The following PLAGL1 variants were observed in gnomAD, a reference collection of about 807,000 sequenced individuals.
PLAGL1 encodes zinc finger protein PLAGL1.
PLAGL1 carries 1 observed loss-of-function variant against 4.6 expected under a neutral mutation model. That is an observed-to-expected ratio of 0.22 (90% CI 0.08 to 1.03). PLAGL1 has a LOEUF of 1.03. Among genes scored for constraint, PLAGL1 ranks in the 50% least tolerant of loss-of-function variants. The pLI is 0.58. For missense variants in PLAGL1, 464 were observed against 570.4 expected, an observed-to-expected ratio of 0.81 and a Z score of 1.90; for synonymous variants, 240 against 237.8, an observed-to-expected ratio of 1.01 and a Z score of -0.08.
rs116619032 is a variant in PLAGL1, at chr6:144,048,652, G to A, written c.-151+15816C>T. Among the ~76,000 whole-genome samples, 803 of 152,346 alleles carry A rather than the reference G, an allele frequency of 5.3e-3. 8 individuals are homozygous for A. Among genetic ancestry groups the A allele is most frequent in the African/African-American group, 0.019 (770 of 41,584 alleles). On this transcript the variant is annotated intron_variant, in intron 1 of 3. Transcript: ENST00000437412. This position sits in a 1 kb window ranked among gnomAD's most constrained non-coding sequence, Gnocchi z 4.8. ...GGGTGCCAAGTCCTGAGGCTACACA[G>A]AGCAGCATCAGGGCTGTAAGCCAGG...
chr6:144,020,599 T>C (rs976056534), intron 1 of PLAGL1, among the ~76,000 whole-genome samples: 5 of 151,702 alleles, frequency 3.3e-5, no homozygotes, highest in Non-Finnish European at 5.9e-5. Context: ...TGTTTGTTTT[T>C]AATGTTAATT....
chr6:143,951,075 G>C (rs1028814949), intron 6 of PLAGL1, among the ~76,000 whole-genome samples: 1 of 151,560 alleles, frequency 6.6e-6, no homozygotes, highest in African/African-American at 2.4e-5. Context: ...TGTGAATCCA[G>C]TGGAAAGATT....
At chr6:144,044,517 A>C (rs949589952) in intron 1 of PLAGL1, among the ~76,000 whole-genome samples, 1 of 152,088 alleles carries the variant, frequency 6.6e-6, no homozygotes, top group African/African-American at 2.4e-5. Flanking sequence ...CTGAGTTCTA[A>C]TTTGATTGCG....
rs928475612 is a variant in PLAGL1 at position 143,953,522 on chromosome 6, A to G, written c.-324-5062T>C. Among the ~76,000 whole-genome samples the G allele has an allele frequency of 2.0e-5, 3 of 152,246 alleles. No homozygotes were observed. Among genetic ancestry groups the G allele is most frequent in the Non-Finnish European group, 4.4e-5 (3 of 68,042 alleles). On this transcript the variant is annotated intron_variant, in intron 6 of 7. Coordinates refer to ENST00000674357, the MANE Select transcript of PLAGL1 (RefSeq NM_001317162.2). The surrounding 1 kb of genome is among the most constrained non-coding windows in gnomAD (Gnocchi z 5.3). ...AACATCAAATCCACATCCTAGCCAG[A>G]ACATCTGAAAAGGGACAGGGTGTGT...
Position 143,954,229 on chromosome 6 carries a change from C to T in PLAGL1, c.-324-5769G>A, listed in dbSNP as rs1386748818. On this transcript the variant is annotated intron_variant, in intron 6 of 7. Coordinates refer to ENST00000674357, the MANE Select transcript of PLAGL1 (RefSeq NM_001317162.2). This position sits in a 1 kb window ranked among gnomAD's most constrained non-coding sequence, Gnocchi z 5.1. Reference sequence around the variant, plus strand: ...CTGGCTTGACTCACAAATTAGTAGGCCAAGGATCACCAGAAATCAGAGGAA... The same window carrying T: ...CTGGCTTGACTCACAAATTAGTAGGTCAAGGATCACCAGAAATCAGAGGAA... Among the ~76,000 whole-genome samples the T allele has an allele frequency of 6.6e-6, 1 of 151,908 alleles. No individual in the cohort carries two copies. The highest frequency in any genetic ancestry group is 1.5e-5 in the Non-Finnish European group (1 of 68,004).
rs550798060 is a variant in PLAGL1, at chr6:144,016,727, A to G, written c.-151+47741T>C. On this transcript the variant is annotated intron_variant, in intron 1 of 3. Coordinates refer to the PLAGL1 transcript ENST00000437412. This position sits in a 1 kb window ranked among gnomAD's most constrained non-coding sequence, Gnocchi z 4.2. ...TCATACTGCACTGAATGATACACCT[A>G]AAATACATCCACTTGATTACATGCA... Among the ~76,000 whole-genome samples the G allele has an allele frequency of 1.3e-3, 191 of 152,372 alleles. 1 individual carries two copies. Among genetic ancestry groups the G allele is most frequent in the African/African-American group, 4.4e-3 (184 of 41,586 alleles).
Position 143,963,198 on chromosome 6 carries a change from G to A in PLAGL1, c.-399+1589C>T, listed in dbSNP as rs1389399361. On this transcript the variant is annotated intron_variant, in intron 5 of 7. Coordinates refer to ENST00000674357, the MANE Select transcript of PLAGL1 (RefSeq NM_001317162.2). The surrounding 1 kb of genome is among the most constrained non-coding windows in gnomAD (Gnocchi z 6.1). ...TCTCACATTAATACATGATCTCCCT[G>A]GGGGACCCCATGCACAACCCAAGGT... is the stretch of plus-strand genomic sequence containing the variant. 6.6e-6 allele frequency among the ~76,000 whole-genome samples: 1 copy of A among 152,118 alleles called. No individual in the cohort carries two copies.
intron 1 of PLAGL1, among the ~76,000 whole-genome samples, chr6:144,033,470 G>A (rs867997731): frequency 3.3e-5 from 5 of 152,220 alleles, no homozygotes; most frequent in African/African-American, 1.2e-4. Flanking sequence ...TGAGAAACAT[G>A]ATGGAAAAAC....
In PLAGL1 at chr6:143,989,391, G is replaced by T. The variant is rs79880643; in HGVS notation, c.-583-4217C>A. 6.6e-6 allele frequency among the ~76,000 whole-genome samples: 1 copy of T among 152,136 alleles called. No homozygotes were observed. The highest frequency in any genetic ancestry group is 1.5e-5 in the Non-Finnish European group (1 of 68,018). On this transcript the variant is annotated intron_variant, in intron 1 of 7. Transcript: ENST00000674357. The surrounding 1 kb of genome is among the most constrained non-coding windows in gnomAD (Gnocchi z 4.8). ...ATCAACACTTGTGTTGGTGGAGTTC[G>T]GAGCATACCACCCTCCCAAATATGG...
At position 143,975,186 on chromosome 6, in the gene PLAGL1, G is replaced by A. The variant is rs1402018503; in HGVS notation, c.-543-6208C>T. Among the ~76,000 whole-genome samples, 1 of 152,116 alleles carries A rather than the reference G, an allele frequency of 6.6e-6. No homozygotes were observed. The highest frequency in any genetic ancestry group is 1.5e-5 in the Non-Finnish European group (1 of 68,006). On this transcript the variant is annotated intron_variant, in intron 2 of 7. Coordinates refer to ENST00000674357, the MANE Select transcript of PLAGL1 (RefSeq NM_001317162.2). The surrounding 1 kb of genome is among the most constrained non-coding windows in gnomAD (Gnocchi z 5.8). ...CTGTTTCCATTACACCAGCTACCAT[G>A]TACTGGGGATATAATCATTCACTGG...
At chr6:144,024,785 C>A (rs947722272) in intron 1 of PLAGL1, among the ~76,000 whole-genome samples, 2 of 152,106 alleles carry the variant, frequency 1.3e-5, no homozygotes, top group Non-Finnish European at 2.9e-5. Context: ...AAAACTGAAA[C>A]CATCTGAGCA....
rs1335764432 is a variant in PLAGL1 at position 144,061,099 on chromosome 6, T to C, written c.-151+3369A>G. 1.3e-5 allele frequency among the ~76,000 whole-genome samples: 2 copies of C among 152,202 alleles called. No homozygotes were observed. The highest frequency in any genetic ancestry group is 4.8e-5 in the African/African-American group (2 of 41,450). On this transcript the variant is annotated intron_variant, in intron 1 of 3. Coordinates refer to the PLAGL1 transcript ENST00000437412. The surrounding 1 kb of genome is among the most constrained non-coding windows in gnomAD (Gnocchi z 4.4). ...AAATTTACAATTGGAAGTGGAAAGG[T>C]ACTGGGTGACAGTGTGAGTAGAAGA...
chr6:144,041,881 G>A (rs918762325), intron 1 of PLAGL1, among the ~76,000 whole-genome samples: 3 of 152,180 alleles, frequency 2.0e-5, no homozygotes, highest in Admixed American at 1.3e-4. Context: ...ATTCTAACTG[G>A]TGTGAGATGG....
At position 144,059,778 on chromosome 6, in the gene PLAGL1, C is replaced by A. The variant is rs1215124014; in HGVS notation, c.-151+4690G>T. ...TAATATTTTCCATCCCTGAGGCTGC[C>A]CTGCAAGTAAACCTGCTTTAGTCTT... On this transcript the variant is annotated intron_variant, in intron 1 of 3. Coordinates refer to the PLAGL1 transcript ENST00000437412. This position sits in a 1 kb window ranked among gnomAD's most constrained non-coding sequence, Gnocchi z 4.9. Among the ~76,000 whole-genome samples the A allele has an allele frequency of 6.6e-6, 1 of 152,152 alleles. No individual in the cohort carries two copies. The highest frequency in any genetic ancestry group is 1.5e-5 in the Non-Finnish European group (1 of 68,038).
At chr6:143,951,394 A>G (rs1489207700) in intron 6 of PLAGL1, among the ~76,000 whole-genome samples, 1 of 152,232 alleles carries the variant, frequency 6.6e-6, no homozygotes, top group African/African-American at 2.4e-5. Context: ...TATACTGGAA[A>G]GAAGTGGCAG....
chr6:144,060,438 A>G (rs1338047206), intron 1 of PLAGL1, among the ~76,000 whole-genome samples: 6 of 152,192 alleles, frequency 3.9e-5, no homozygotes, highest in Non-Finnish European at 8.8e-5. Context: ...ACCTTCATGT[A>G]TTACATATAG....
chr6:144,051,535 CAACACT>C (rs1277848201), intron 1 of PLAGL1, among the ~76,000 whole-genome samples: 2 of 152,116 alleles, frequency 1.3e-5, no homozygotes, highest in East Asian at 1.9e-4. Flanking sequence ...TTTACCAAAC[CAACACT>C]AAGAAAAACA....
intron 1 of PLAGL1, among the ~76,000 whole-genome samples, chr6:144,028,412 T>C (rs1260799880): frequency 5.9e-5 from 9 of 152,104 alleles, no homozygotes; most frequent in African/African-American, 2.2e-4. Flanking sequence ...TGTAACTCAG[T>C]AAAGCTGATG....
intron 2 of PLAGL1, among the ~76,000 whole-genome samples, chr6:143,980,321 A>G (rs1195226508): frequency 5.3e-5 from 8 of 150,592 alleles, no homozygotes; most frequent in Non-Finnish European, 5.9e-5. Flanking sequence ...GGGGACTCCA[A>G]TTACATACAT....
Sources: allele counts gnomAD v4.1 joint callset (sites outside exome capture counted in the v4.1 genomes callset), GRCh38; gene constraint gnomAD v4.1.1; non-coding constraint Gnocchi (gnomAD v3.1); transcripts MANE v1.5; gene names NCBI Gene and HGNC (gene_info 2026-07-23, HGNC 2026-07-21).